The following TVP23A variants were observed in gnomAD, a reference collection of about 807,000 sequenced individuals.
TVP23A encodes trans-golgi network vesicle protein 23 homolog A, also known as Golgi apparatus membrane protein TVP23 homolog A.
Under a neutral mutation model 31.7 loss-of-function variants are expected in TVP23A, and 21 were observed. The observed-to-expected ratio is 0.66, with a 90% CI of 0.47 to 0.95. The LOEUF (loss-of-function observed/expected upper bound fraction) is 0.95, where lower values mean the gene tolerates loss of function less well. Ranked by LOEUF, TVP23A falls within the 40% of genes least tolerant of loss-of-function variation. The pLI, the probability that TVP23A is intolerant of heterozygous loss-of-function variation, is 0.00. For missense variants in TVP23A, 279 were observed against 255.6 expected (o/e 1.09, Z -0.62); for synonymous variants, 104 against 96.0 (o/e 1.08, Z -0.49).
Position 10,773,304 on chromosome 16 carries a change from T to C in TVP23A, c.453+9A>G. On this transcript the variant is annotated intron_variant, in intron 5 of 7. Transcript: ENST00000299866. ...TCAAAGCAATGTGGAAGTCAAGATC[T>C]GGCCTTACCAGCCACTTTAGCTTCA... The C allele has an allele frequency of 6.3e-7, 1 of 1,596,958 alleles. No homozygotes were observed. The highest frequency in any genetic ancestry group is 8.5e-7 in the Non-Finnish European group (1 of 1,174,858).
Position 10,773,293 on chromosome 16 carries a change from A to G in TVP23A, c.453+20T>C. On this transcript the variant is annotated intron_variant, in intron 5 of 7. Transcript: ENST00000299866. ...TTGCAGAGACATCAAAGCAATGTGG[A>G]AGTCAAGATCTGGCCTTACCAGCCA... The G allele has an allele frequency of 6.3e-6, 10 of 1,582,404 alleles. No individual in the cohort carries two copies. The African/African-American group carries it at 6.8e-5, about 11-fold the overall frequency.
chr16:10,796,296 T>C (rs969560324), intron 2 of TVP23A, among the ~76,000 whole-genome samples: 1 of 152,054 alleles, frequency 6.6e-6, no homozygotes, highest in African/African-American at 2.4e-5. Context: ...GATGTGATCA[T>C]GCCACTTGCA....
At chr16:10,798,567 C>A in intron 2 of TVP23A, among the ~76,000 whole-genome samples, 1 of 152,192 alleles carries the variant, frequency 6.6e-6, no homozygotes, top group East Asian at 1.9e-4. Context: ...AAGCAGGGGT[C>A]CTGGTCATCA....
In TVP23A at chr16:10,802,241, CGTGTGTGTGT is replaced by C. The variant is rs61036988; in HGVS notation, c.89+15852_89+15861del. Among the ~76,000 whole-genome samples, 716 of 130,472 alleles carry C rather than the reference CGTGTGTGTGT, an allele frequency of 5.5e-3. 4 individuals carry two copies. Among genetic ancestry groups the C allele is most frequent in the South Asian group, 0.01 (39 of 3,722 alleles). The allele number at this position is 130,472 out of a possible 152,430, so 85.6% of individuals were successfully genotyped here. On this transcript the variant is annotated intron_variant, in intron 2 of 7. Transcript: ENST00000299866. ...TCTGCATCCATGAGTTTATATGATA[CGTGTGTGTGT>C]GTGTGTGTGTGTGTGTGTGTGTGTG... is the stretch of plus-strand genomic sequence containing the variant.
exon 9 of TVP23A, chr16:10,761,488 G>C (rs570096517): frequency 2.5e-6 from 4 of 1,603,918 alleles, no homozygotes; most frequent in African/African-American, 2.7e-5. Flanking sequence ...AGGGCGCGTG[G>C]GGCTGCCAGG....
downstream of TVP23A, chr16:10,757,959 C>T: frequency 6.2e-7 from 1 of 1,614,078 alleles, no homozygotes; most frequent in Non-Finnish European, 8.5e-7. The surrounding 1 kb of genome is among the most constrained non-coding windows in gnomAD (Gnocchi z 4.1). Flanking sequence ...GTCGGATGAA[C>T]ACCTCTCGGT....
At chr16:10,765,487 G>A (rs578099262), downstream of TVP23A, among the ~76,000 whole-genome samples, 8 of 152,134 alleles carry the variant, frequency 5.3e-5, no homozygotes, top group East Asian at 3.9e-4. The surrounding 1 kb of genome is among the most constrained non-coding windows in gnomAD (Gnocchi z 4.0). Context: ...CAGCCTGGGC[G>A]ACAGAGCAAG....
intron 6 of TVP23A, among the ~76,000 whole-genome samples, chr16:10,770,559 T>C (rs1489136237): frequency 1.5e-5 from 2 of 131,426 alleles, no homozygotes; most frequent in African/African-American, 3.2e-5. Flanking sequence ...GAAATATCTA[T>C]TAAGTTAAAA....
chr16:10,770,991 T>C (rs1358155770), intron 6 of TVP23A, among the ~76,000 whole-genome samples: 4 of 151,942 alleles, frequency 2.6e-5, no homozygotes, highest in South Asian at 2.1e-4. Context: ...AAACTATAAT[T>C]GCACTTATAG....
rs370677023 is a variant in TVP23A at position 10,789,080 on chromosome 16, G to A, written c.90-13984C>T. Among the ~76,000 whole-genome samples the A allele has an allele frequency of 8.5e-5, 13 of 152,128 alleles. No homozygotes were observed. The South Asian group carries it at 1.0e-3, about 12-fold the overall frequency. The stretch of plus-strand genomic sequence containing the variant: ...CCTGACCTTGTGATCCACCTGCCTC[G>A]GCCTCCCAAAGTGCTGGGATTACAG... On this transcript the variant is annotated intron_variant, in intron 2 of 7. Coordinates refer to ENST00000299866, the MANE Select transcript of TVP23A (RefSeq NM_001079512.4).
intron 2 of TVP23A, among the ~76,000 whole-genome samples, chr16:10,814,898 G>A (rs889674312): frequency 4.0e-5 from 6 of 148,546 alleles, no homozygotes; most frequent in South Asian, 2.1e-4. Context: ...CGATCTCCAC[G>A]CAGGCCACTT....
chr16:10,774,860 A>G, intron 3 of TVP23A, 92 bp downstream of exon 3: 1 of 1,083,336 alleles, frequency 9.2e-7, no homozygotes. Context: ...AGCATGTCTC[A>G]GGAGTCTAAA....
intron 2 of TVP23A, among the ~76,000 whole-genome samples, chr16:10,799,356 C>T (rs924818561): frequency 1.3e-5 from 2 of 152,134 alleles, no homozygotes; most frequent in Non-Finnish European, 2.9e-5. Context: ...TTGCTTGAGA[C>T]AGAGTCTCAC....
chr16:10,798,273 A>C (rs934769485), intron 2 of TVP23A, among the ~76,000 whole-genome samples: 2 of 151,242 alleles, frequency 1.3e-5, no homozygotes, highest in Non-Finnish European at 2.9e-5. Flanking sequence ...TTCTTTTTTT[A>C]AGTAATCAGG....
At chr16:10,803,327 CA>C (rs1224337754) in intron 2 of TVP23A, among the ~76,000 whole-genome samples, 1 of 149,076 alleles carries the variant, frequency 6.7e-6, no homozygotes, top group African/African-American at 2.5e-5. Context: ...CTCAAAACAA[CA>C]ACAACAAAAA....
In TVP23A at chr16:10,770,215, C is replaced by G. The variant is rs1036573363; in HGVS notation, c.*57G>C. On this transcript the variant is annotated intron_variant, in intron 7 of 7. Transcript: ENST00000299866. Reference sequence around the variant, plus strand: ...ACCCCGGGCCCCTGTGCCCCAAGAGCTGCATTTTTCAGAATTCCCCAGTTC... The same window carrying G: ...ACCCCGGGCCCCTGTGCCCCAAGAGGTGCATTTTTCAGAATTCCCCAGTTC... The G allele has an allele frequency of 1.5e-4, 225 of 1,544,370 alleles. No individual in the cohort carries two copies. The East Asian group carries it at 5.5e-3, about 38-fold the overall frequency.
chr16:10,770,372 C>T (rs750560105), intron 6 of TVP23A, 41 bp from the exon 7 acceptor site: 12 of 1,544,686 alleles, frequency 7.8e-6, no homozygotes, highest in African/African-American at 5.5e-5. Context: ...TGTCCTTACA[C>T]GCGAGTGGGG....
downstream of TVP23A, chr16:10,757,737 AG>A: frequency 1.0e-6 from 1 of 1,003,140 alleles, no homozygotes; most frequent in Non-Finnish European, 1.5e-6. The surrounding 1 kb of genome is among the most constrained non-coding windows in gnomAD (Gnocchi z 4.1). Context: ...CTGAGGTGGG[AG>A]GATTGCTTGA....
intron 2 of TVP23A, among the ~76,000 whole-genome samples, chr16:10,799,142 G>A (rs1372472730): frequency 6.6e-6 from 1 of 152,198 alleles, no homozygotes; most frequent in African/African-American, 2.4e-5. Context: ...GCCTTCTGAT[G>A]ACTGCAGCTC....
Sources: allele counts gnomAD v4.1 joint callset (sites outside exome capture counted in the v4.1 genomes callset), GRCh38; gene constraint gnomAD v4.1.1; non-coding constraint Gnocchi (gnomAD v3.1); transcripts MANE v1.5; gene names NCBI Gene and HGNC (gene_info 2026-07-23, HGNC 2026-07-21).